The following ADCY2 variants were observed in gnomAD, a reference collection of about 807,000 sequenced individuals.
ADCY2 encodes adenylate cyclase type 2.
Under a neutral mutation model 125.2 loss-of-function variants are expected in ADCY2, and 31 were observed. The ratio of observed to expected loss-of-function variants is 0.25; its 90% CI spans 0.19 to 0.33. ADCY2 has a LOEUF of 0.33. Ranked by LOEUF, ADCY2 falls within the 10% of genes least tolerant of loss-of-function variation. The pLI is 1.00. For missense variants in ADCY2, 904 were observed against 1,418.2 expected (o/e 0.64, Z 5.82); for synonymous variants, 512 against 548.4 (o/e 0.93, Z 0.93).
At chr5:7,711,469 T>G (rs1741438341) in intron 10 of ADCY2, among the ~76,000 whole-genome samples, 2 of 152,244 alleles carry the variant, frequency 1.3e-5, no homozygotes, top group South Asian at 4.1e-4. Flanking sequence ...CATATATAAA[T>G]AGTCGAATGT....
intron 20 of ADCY2, chr5:7,796,285 T>C (rs975144891): frequency 2.0e-5 from 3 of 152,180 alleles, no homozygotes; most frequent in African/African-American, 7.2e-5. Flanking sequence ...TCCATTCCTC[T>C]CTGTGGCACA....
chr5:7,537,476 G>A (rs564958949), intron 3 of ADCY2, among the ~76,000 whole-genome samples: 1 of 152,118 alleles, frequency 6.6e-6, no homozygotes, highest in Non-Finnish European at 1.5e-5. Flanking sequence ...AGACCCACTT[G>A]TCGCCTCCTC....
intron 2 of ADCY2, among the ~76,000 whole-genome samples, chr5:7,421,725 C>T (rs1285620233): frequency 6.6e-6 from 1 of 152,138 alleles, no homozygotes; most frequent in Non-Finnish European, 1.5e-5. Context: ...ACTCCTCCTT[C>T]TTAGATTTGG....
intron 7 of ADCY2, among the ~76,000 whole-genome samples, chr5:7,704,762 C>G (rs1741208657): frequency 6.6e-6 from 1 of 151,860 alleles, no homozygotes; most frequent in African/African-American, 2.4e-5. Context: ...CCTGTAATCC[C>G]AGCTACTGGG....
chr5:7,400,610 G>T (rs536193717), intron 1 of ADCY2, among the ~76,000 whole-genome samples: 161 of 152,312 alleles, frequency 1.1e-3, no homozygotes, highest in African/African-American at 3.5e-3. Context: ...GGATGGGAGG[G>T]CAGACAAATG....
intron 24 of ADCY2, among the ~76,000 whole-genome samples, chr5:7,823,606 G>T (rs1247760917): frequency 6.6e-6 from 1 of 152,188 alleles, no homozygotes; most frequent in Non-Finnish European, 1.5e-5. Flanking sequence ...AGGGAAGAGA[G>T]GCCTGCCCCT....
chr5:7,444,816 G>A (rs1328417470), intron 2 of ADCY2, among the ~76,000 whole-genome samples: 2 of 152,250 alleles, frequency 1.3e-5, no homozygotes, highest in South Asian at 2.1e-4. Context: ...TTAGAGAAAC[G>A]ACATCCCAAG....
chr5:7,728,675 G>A (rs1026577438), intron 14 of ADCY2, among the ~76,000 whole-genome samples: 2 of 152,146 alleles, frequency 1.3e-5, no homozygotes, highest in African/African-American at 4.8e-5. Context: ...CTACATACGT[G>A]AAATAACTAT....
chr5:7,763,735 C>G (rs1400300410), intron 16 of ADCY2, among the ~76,000 whole-genome samples: 1 of 152,204 alleles, frequency 6.6e-6, no homozygotes, highest in Non-Finnish European at 1.5e-5. Flanking sequence ...TCCTTTTCTT[C>G]TGGAAGCCCC....
At chr5:7,693,413 G>GTTTTTTTTTT (rs70940751) in intron 5 of ADCY2, among the ~76,000 whole-genome samples, 48 of 32,366 alleles carry the variant, frequency 1.5e-3, no homozygotes, top group Admixed American at 2.0e-3. Flanking sequence ...GCTGTTTTTT[G>GTTTTTTTTTT]TTTTTTTTTT....
chr5:7,598,631 C>T (rs1178628169), intron 3 of ADCY2, among the ~76,000 whole-genome samples: 1 of 152,176 alleles, frequency 6.6e-6, no homozygotes, highest in African/African-American at 2.4e-5. Flanking sequence ...GAATTCGAGG[C>T]AGAGGGCTGC....
At chr5:7,718,536 G>A (rs1393100101) in intron 12 of ADCY2, among the ~76,000 whole-genome samples, 1 of 152,172 alleles carries the variant, frequency 6.6e-6, no homozygotes, top group Non-Finnish European at 1.5e-5. Context: ...TCTATGGTGG[G>A]TGTGTGCCTT....
rs111293370 is a variant in ADCY2 at position 7,520,352 on chromosome 5, C to T, written c.409-386C>T. On this transcript the variant is annotated intron_variant, in intron 2 of 24. Transcript: ENST00000338316. ...CATGGGTCTCCACCCTGTCCACCCC[C>T]GTCCCCGATGATGCCTGTCCCTCCT... Among the ~76,000 whole-genome samples the T allele has an allele frequency of 4.4e-3, 664 of 152,248 alleles. 4 individuals carry two copies. The highest frequency in any genetic ancestry group is 0.015 in the African/African-American group (618 of 41,548).
At chr5:7,719,151 T>G (rs116538556) in intron 12 of ADCY2, among the ~76,000 whole-genome samples, 3 of 152,184 alleles carry the variant, frequency 2.0e-5, no homozygotes, top group African/African-American at 7.2e-5. Context: ...TGTCATTGCT[T>G]TATTGTTGTT....
At chr5:7,810,453 G>A (rs115924710) in intron 22 of ADCY2, among the ~76,000 whole-genome samples, 76 of 151,942 alleles carry the variant, frequency 5.0e-4, no homozygotes, top group African/African-American at 1.8e-3. Context: ...TACCTAGTTG[G>A]TGGGTTTTCT....
chr5:7,618,944 G>A (rs1172267552), intron 3 of ADCY2, among the ~76,000 whole-genome samples: 1 of 152,120 alleles, frequency 6.6e-6, no homozygotes, highest in African/African-American at 2.4e-5. Flanking sequence ...GTGTCCTCCT[G>A]TTGTGTCATT....
chr5:7,662,998 C>T (rs560629595), intron 4 of ADCY2, among the ~76,000 whole-genome samples: 68 of 152,108 alleles, frequency 4.5e-4, no homozygotes, highest in African/African-American at 1.6e-3. Context: ...TTCATACATT[C>T]ATTTTGAATT....
At chr5:7,477,025 A>G (rs992094424) in intron 2 of ADCY2, among the ~76,000 whole-genome samples, 5 of 152,298 alleles carry the variant, frequency 3.3e-5, no homozygotes, top group African/African-American at 1.2e-4. Context: ...CTTGAAAACC[A>G]TAAAATTTTA....
chr5:7,446,812 A>C (rs1741276100), intron 2 of ADCY2, among the ~76,000 whole-genome samples: 1 of 152,042 alleles, frequency 6.6e-6, no homozygotes, highest in Admixed American at 6.6e-5. Context: ...TTAAAAGGGG[A>C]GATGGTTTCT....
Sources: gnomAD v4.1 joint callset for allele counts (sites outside exome capture counted in the v4.1 genomes callset) on GRCh38, gnomAD v4.1.1 for gene constraint, MANE v1.5 for transcripts, NCBI Gene and HGNC (gene_info 2026-07-23, HGNC 2026-07-21) for gene names.